Variants in VCF2 observed in about 807,000 individuals in gnomAD.
The protein encoded by VCF2 is VCP nuclear cofactor family member 2, also known as protein VCF2.
the VCF2 span, chrX:55,160,684 C>T: frequency 9.3e-6 from 5 of 538,730 alleles, no homozygotes; most frequent in Non-Finnish European, 1.5e-5. Flanking sequence ...ACCCCAGTAA[C>T]ACGTGGAGAA....
At chrX:55,156,961 T>C in the VCF2 span, among the ~76,000 whole-genome samples, 1 of 112,485 alleles carries the variant, frequency 8.9e-6, no homozygotes, top group Non-Finnish European at 1.9e-5. Context: ...GTATGCTCCA[T>C]GAACACGGCT....
the VCF2 span, among the ~76,000 whole-genome samples, chrX:55,155,451 G>A: frequency 8.9e-6 from 1 of 111,963 alleles, no homozygotes. Flanking sequence ...CGCAGAGGTA[G>A]AATAGAAAGG....
chrX:55,154,381 T>C, the VCF2 span, among the ~76,000 whole-genome samples: 2 of 112,511 alleles, frequency 1.8e-5, no homozygotes, highest in Non-Finnish European at 3.7e-5. Flanking sequence ...ATGCTTATAC[T>C]ATCTGACAGT....
the VCF2 span, among the ~76,000 whole-genome samples, chrX:55,147,016 T>C: frequency 1.8e-5 from 2 of 112,054 alleles, no homozygotes; most frequent in African/African-American, 3.2e-5. Context: ...AGATCTCTTT[T>C]TCTTTCATTA....
chrX:55,153,886 T>G, the VCF2 span, among the ~76,000 whole-genome samples: 1 of 111,660 alleles, frequency 9.0e-6, no homozygotes, highest in African/African-American at 3.3e-5. Flanking sequence ...AAAGAGCATC[T>G]ACAAAGTCAT....
the VCF2 span, among the ~76,000 whole-genome samples, chrX:55,155,744 T>C: frequency 4.5e-5 from 5 of 110,182 alleles, no homozygotes; most frequent in African/African-American, 1.7e-4. Context: ...AGACACAAGA[T>C]TAGTTAGGGA....
At chrX:55,160,980 G>C in the VCF2 span, 1 of 1,164,976 alleles carries the variant, frequency 8.6e-7, no homozygotes, top group African/African-American at 1.8e-5. Context: ...GTCACCTGCA[G>C]GTCATGAGAG....
chrX:55,144,927 T>C, the VCF2 span, among the ~76,000 whole-genome samples: 1 of 112,846 alleles, frequency 8.9e-6, no homozygotes, highest in Non-Finnish European at 1.9e-5. Context: ...TGATGCATCC[T>C]GGTCCTTTGT....
At chrX:55,155,733 T>C in the VCF2 span, among the ~76,000 whole-genome samples, 6 of 110,450 alleles carry the variant, frequency 5.4e-5, no homozygotes, top group Non-Finnish European at 1.1e-4. Context: ...AAAAATAAAC[T>C]AGACACAAGA....
At chrX:55,156,945 T>C in the VCF2 span, among the ~76,000 whole-genome samples, 7 of 112,260 alleles carry the variant, frequency 6.2e-5, no homozygotes, top group East Asian at 2.0e-3. Context: ...GTGCTTGGGA[T>C]GTTTAGTATG....
the VCF2 span, among the ~76,000 whole-genome samples, chrX:55,152,049 G>T: frequency 9.4e-6 from 1 of 105,896 alleles, no homozygotes; most frequent in Non-Finnish European, 1.9e-5. Flanking sequence ...CCGCCACTAC[G>T]CCCGGCTAAT....
chrX:55,153,204 G>A, the VCF2 span, among the ~76,000 whole-genome samples: 1 of 111,918 alleles, frequency 8.9e-6, no homozygotes, highest in African/African-American at 3.2e-5. Context: ...TGTGTCACAG[G>A]TGCGTGCTTA....
chrX:55,157,307 C>A, the VCF2 span, among the ~76,000 whole-genome samples: 1 of 111,893 alleles, frequency 8.9e-6, no homozygotes. Context: ...CCGAGGCGGG[C>A]GGATCACTTG....
the VCF2 span, chrX:55,159,299 C>T: frequency 5.2e-5 from 45 of 865,464 alleles, no homozygotes; most frequent in Non-Finnish European, 6.9e-5. Context: ...AATTGTAAAG[C>T]CGTGACAACA....
At chrX:55,147,631 C>CTTTTTTTTTTTTT in the VCF2 span, among the ~76,000 whole-genome samples, 1 of 68,555 alleles carries the variant, frequency 1.5e-5, no homozygotes, top group African/African-American at 5.0e-5. Flanking sequence ...GTTGGCTTTC[C>CTTTTTTTTTTTTT]TTGTTTTTTT....
At chrX:55,159,624 T>C in the VCF2 span, among the ~76,000 whole-genome samples, 1 of 112,195 alleles carries the variant, frequency 8.9e-6, no homozygotes, top group African/African-American at 3.2e-5. Context: ...AAGACATGTG[T>C]GTCTGCCAGT....
At chrX:55,147,631 C>CTTTTTTTTTTTTTTTT in the VCF2 span, among the ~76,000 whole-genome samples, 1 of 68,569 alleles carries the variant, frequency 1.5e-5, no homozygotes, top group African/African-American at 5.0e-5. Flanking sequence ...GTTGGCTTTC[C>CTTTTTTTTTTTTTTTT]TTGTTTTTTT....
the VCF2 span, chrX:55,160,840 C>A: frequency 8.6e-7 from 1 of 1,156,254 alleles, no homozygotes; most frequent in Non-Finnish European, 1.1e-6. Context: ...CTCACCCCCG[C>A]CTCCAGGGCT....
the VCF2 span, among the ~76,000 whole-genome samples, chrX:55,147,648 T>G: frequency 1.0e-5 from 1 of 98,342 alleles, no homozygotes; most frequent in Non-Finnish European, 2.1e-5. Context: ...TTTTTTTTTT[T>G]TTTTTTTTTT....
Sources: allele counts gnomAD v4.1 joint callset (sites outside exome capture counted in the v4.1 genomes callset), GRCh38; gene constraint gnomAD v4.1.1; transcripts MANE v1.5; gene names NCBI Gene and HGNC (gene_info 2026-07-23, HGNC 2026-07-21).